The following PARD3 variants were observed in gnomAD, a reference collection of about 807,000 sequenced individuals.
PARD3 encodes the protein partitioning defective 3 homolog.
A neutral mutation model predicts 155.4 loss-of-function variants in PARD3; 75 were observed. The ratio of observed to expected loss-of-function variants is 0.48; its 90% CI spans 0.40 to 0.58. The LOEUF (loss-of-function observed/expected upper bound fraction) is 0.58. PARD3 is among the 20% of genes least tolerant of loss of function. The pLI, the probability that PARD3 is intolerant of heterozygous loss-of-function variation, is 0.00. For missense variants in PARD3, 1,642 were observed against 1,721.7 expected (o/e 0.95, Z 0.82); for synonymous variants, 576 against 610.5 (o/e 0.94, Z 0.83).
chr10:34,305,850 G>A (rs1004926260), intron 20 of PARD3, among the ~76,000 whole-genome samples: 1 of 152,114 alleles, frequency 6.6e-6, no homozygotes, highest in Non-Finnish European at 1.5e-5. Flanking sequence ...GCTGGGCATG[G>A]TGACATGCAC....
chr10:34,314,734 G>A (rs1957904920), intron 20 of PARD3, among the ~76,000 whole-genome samples: 2 of 152,296 alleles, frequency 1.3e-5, no homozygotes, highest in African/African-American at 4.8e-5. Context: ...TTAGCCCTAT[G>A]TCCATGCCAT....
intron 15 of PARD3, chr10:34,344,305 T>G: frequency 2.1e-6 from 2 of 931,060 alleles, no homozygotes; most frequent in South Asian, 1.0e-4. Context: ...TTTTTGGATA[T>G]GGAGTCTCAC....
At chr10:34,736,565 ACTGT>A (rs1486294483) in intron 1 of PARD3, among the ~76,000 whole-genome samples, 1 of 152,020 alleles carries the variant, frequency 6.6e-6, no homozygotes, top group Non-Finnish European at 1.5e-5. Flanking sequence ...AATCCGCACC[ACTGT>A]CTGTGTTCAT....
In PARD3 at chr10:34,191,184, C is replaced by T. The variant is rs190131800; in HGVS notation, c.3420-59601G>A. ...AAACTCAGGTAAGAAATAAAAATGG[C>T]CTAGTGATAGCATTGGCAATTTGCA... is the stretch of plus-strand genomic sequence containing the variant. On this transcript the variant is annotated intron_variant, in intron 22 of 24. Transcript: ENST00000374788. Among the ~76,000 whole-genome samples the T allele has an allele frequency of 4.0e-5, 6 of 151,854 alleles. No individual in the cohort carries two copies. The East Asian group carries it at 1.2e-3, about 30-fold the overall frequency.
intron 22 of PARD3, among the ~76,000 whole-genome samples, chr10:34,217,314 T>C (rs1469885660): frequency 1.3e-5 from 2 of 152,310 alleles, no homozygotes; most frequent in South Asian, 2.1e-4. Context: ...AAATATCTGA[T>C]ACTGCTCACA....
intron 22 of PARD3, among the ~76,000 whole-genome samples, chr10:34,161,245 G>GAAAAAAA (rs373658384): frequency 8.4e-6 from 1 of 118,578 alleles, no homozygotes; most frequent in African/African-American, 3.4e-5. Flanking sequence ...ACCCTGTCTT[G>GAAAAAAA]AAAAAAAAAA....
At chr10:34,361,390 G>A (rs10827355) in intron 12 of PARD3, among the ~76,000 whole-genome samples, 90,539 of 152,146 alleles carry the variant, frequency 0.6, 28,968 homozygotes, top group African/African-American at 0.85. Flanking sequence ...AAGAAATACA[G>A]TGGTACACAG....
chr10:34,127,579 G>T (rs1947355509), intron 23 of PARD3, among the ~76,000 whole-genome samples: 1 of 152,178 alleles, frequency 6.6e-6, no homozygotes, highest in Admixed American at 6.5e-5. Flanking sequence ...AGAACTCAAT[G>T]AATTTGATGA....
chr10:34,549,443 T>C (rs2084360328), intron 2 of PARD3, among the ~76,000 whole-genome samples: 1 of 152,240 alleles, frequency 6.6e-6, no homozygotes, highest in Admixed American at 6.5e-5. Flanking sequence ...TCCTACAAAG[T>C]AGCCCACAAT....
At chr10:34,450,179 A>G (rs1041018716) in intron 5 of PARD3, 138 bp downstream of exon 5, 1 of 717,726 alleles carries the variant, frequency 1.4e-6, no homozygotes, top group Non-Finnish European at 2.3e-6. Flanking sequence ...ACTCTGACAT[A>G]GAGATTGGTA....
At chr10:34,300,423 G>A (rs545356858) in intron 20 of PARD3, among the ~76,000 whole-genome samples, 1 of 152,312 alleles carries the variant, frequency 6.6e-6, no homozygotes, top group South Asian at 2.1e-4. Flanking sequence ...GGGAGGCAGA[G>A]ATGGGAGGAT....
chr10:34,216,670 T>A (rs1952016844), intron 22 of PARD3, among the ~76,000 whole-genome samples: 1 of 152,240 alleles, frequency 6.6e-6, no homozygotes, highest in South Asian at 2.1e-4. Flanking sequence ...TTGGAAAGTT[T>A]AGTCTTAAGA....
chr10:34,677,927 A>T (rs902627424), intron 2 of PARD3, among the ~76,000 whole-genome samples: 9 of 152,204 alleles, frequency 5.9e-5, no homozygotes, highest in African/African-American at 2.2e-4. Flanking sequence ...AGCTCCAAAA[A>T]TATCAACATT....
chr10:34,318,311 G>A (rs1235220214), intron 19 of PARD3, among the ~76,000 whole-genome samples: 2 of 152,170 alleles, frequency 1.3e-5, no homozygotes, highest in African/African-American at 4.8e-5. Flanking sequence ...GGTCACCTAA[G>A]GTTCTCCTCC....
intron 14 of PARD3, 48 bp downstream of exon 14, chr10:34,359,099 G>T: frequency 6.8e-7 from 1 of 1,475,698 alleles, no homozygotes; most frequent in Non-Finnish European, 9.4e-7. Context: ...GGACAGAAAT[G>T]TAGTTTATTT....
chr10:34,528,758 A>C (rs1030478680), intron 2 of PARD3, among the ~76,000 whole-genome samples: 2 of 152,234 alleles, frequency 1.3e-5, no homozygotes, highest in African/African-American at 2.4e-5. Flanking sequence ...CAGCAGTTTA[A>C]CTTGCATTTA....
chr10:34,308,237 T>C (rs1303034499), intron 20 of PARD3, among the ~76,000 whole-genome samples: 1 of 152,090 alleles, frequency 6.6e-6, no homozygotes, highest in African/African-American at 2.4e-5. Flanking sequence ...CGAAGGCTAC[T>C]GGGGGTTGAA....
At chr10:34,808,030 T>C (rs1444132890) in intron 1 of PARD3, among the ~76,000 whole-genome samples, 2 of 152,240 alleles carry the variant, frequency 1.3e-5, no homozygotes, top group East Asian at 1.9e-4. Flanking sequence ...TGCTAAAATT[T>C]AGGCCAGGCA....
At chr10:34,246,855 G>T (rs866238342) in intron 22 of PARD3, among the ~76,000 whole-genome samples, 1 of 152,056 alleles carries the variant, frequency 6.6e-6, no homozygotes, top group Non-Finnish European at 1.5e-5. Context: ...GTCTAAAAGC[G>T]ATTAAAAGGT....
Sources: allele counts gnomAD v4.1 joint callset (sites outside exome capture counted in the v4.1 genomes callset), GRCh38; gene constraint gnomAD v4.1.1; transcripts MANE v1.5; gene names NCBI Gene and HGNC (gene_info 2026-07-23, HGNC 2026-07-21).